Variants in UBE2E3 observed in about 807,000 individuals in gnomAD.
UBE2E3 encodes the protein ubiquitin conjugating enzyme E2 E3.
In UBE2E3, 5 loss-of-function variants were observed where a neutral mutation model predicts 23.6. The observed-to-expected ratio is 0.21, with a 90% CI of 0.11 to 0.44. UBE2E3 has a LOEUF of 0.44. UBE2E3 is among the 20% of genes least tolerant of loss of function. The pLI is 0.99. For missense variants in UBE2E3, 81 were observed against 249.8 expected (o/e 0.32, Z 4.55); for synonymous variants, 78 against 87.5 (o/e 0.89, Z 0.60).
intron 3 of UBE2E3, among the ~76,000 whole-genome samples, chr2:181,007,901 C>T (rs1470718963): frequency 6.6e-6 from 1 of 152,176 alleles, no homozygotes; most frequent in Non-Finnish European, 1.5e-5. Flanking sequence ...ATAGCCACAG[C>T]TAACATTTAA....
At chr2:181,010,574 A>G (rs1458089785) in intron 3 of UBE2E3, among the ~76,000 whole-genome samples, 2 of 152,180 alleles carry the variant, frequency 1.3e-5, no homozygotes, top group Non-Finnish European at 2.9e-5. Flanking sequence ...AAGAAAGATG[A>G]TCTGAGTTTC....
chr2:180,992,997 A>G (rs2105578627), intron 3 of UBE2E3, among the ~76,000 whole-genome samples: 1 of 152,328 alleles, frequency 6.6e-6, no homozygotes, highest in Non-Finnish European at 1.5e-5. Context: ...AATTGATGAC[A>G]TTAATGAGTT....
intron 3 of UBE2E3, among the ~76,000 whole-genome samples, chr2:181,055,437 C>T (rs1408194160): frequency 1.3e-5 from 2 of 151,620 alleles, no homozygotes; most frequent in Non-Finnish European, 3.0e-5. Flanking sequence ...CATGTCCCTT[C>T]CTGACCCCTT....
At chr2:180,986,099 A>G (rs1445230913) in intron 3 of UBE2E3, among the ~76,000 whole-genome samples, 1 of 152,162 alleles carries the variant, frequency 6.6e-6, no homozygotes. Flanking sequence ...GTGAAACATC[A>G]AAACTTTGGG....
chr2:181,036,415 A>G (rs559562531), intron 3 of UBE2E3, among the ~76,000 whole-genome samples: 1 of 152,244 alleles, frequency 6.6e-6, no homozygotes, highest in Non-Finnish European at 1.5e-5. Flanking sequence ...TGTACTTACA[A>G]CGTTCATGAG....
intron 3 of UBE2E3, among the ~76,000 whole-genome samples, chr2:181,007,745 C>G (rs571968279): frequency 8.4e-4 from 128 of 152,270 alleles, no homozygotes; most frequent in Non-Finnish European, 1.3e-3. Flanking sequence ...AGGTTTCTGT[C>G]TACACTAGTG....
At chr2:180,988,793 A>G (rs1352114585) in intron 3 of UBE2E3, among the ~76,000 whole-genome samples, 1 of 152,238 alleles carries the variant, frequency 6.6e-6, no homozygotes, top group South Asian at 2.1e-4. Context: ...TCTCTCACAC[A>G]TGTAGATAGA....
At chr2:180,997,549 C>T (rs1191689150) in intron 3 of UBE2E3, among the ~76,000 whole-genome samples, 2 of 152,116 alleles carry the variant, frequency 1.3e-5, no homozygotes, top group Non-Finnish European at 2.9e-5. Context: ...CCCTTCTCAT[C>T]TCCCCTAGGC....
chr2:181,018,331 G>A (rs11885073), intron 3 of UBE2E3, among the ~76,000 whole-genome samples: 1 of 151,572 alleles, frequency 6.6e-6, no homozygotes, highest in African/African-American at 2.4e-5. Context: ...AAGCACCTGT[G>A]TTTACACATG....
chr2:180,995,440 A>G (rs149003710), intron 3 of UBE2E3, among the ~76,000 whole-genome samples: 1 of 152,322 alleles, frequency 6.6e-6, no homozygotes, highest in East Asian at 1.9e-4. Flanking sequence ...TACAGTATGT[A>G]ATACATGTAA....
chr2:181,060,259 G>GT (rs201672821), intron 4 of UBE2E3, among the ~76,000 whole-genome samples: 29 of 151,148 alleles, frequency 1.9e-4, no homozygotes, highest in African/African-American at 6.8e-4. Context: ...TAACTTTTAT[G>GT]TTTTAAAAAA....
chr2:180,992,649 C>T, intron 3 of UBE2E3, among the ~76,000 whole-genome samples: 1 of 152,090 alleles, frequency 6.6e-6, no homozygotes, highest in East Asian at 1.9e-4. Context: ...GCGCACCCCA[C>T]CATGCCTGAC....
chr2:180,997,978 C>G (rs1389913065), intron 3 of UBE2E3, among the ~76,000 whole-genome samples: 1 of 152,082 alleles, frequency 6.6e-6, no homozygotes, highest in Admixed American at 6.6e-5. Context: ...GAACCGGGCA[C>G]TAGGACTGGG....
chr2:181,034,045 G>A (rs1372646108), intron 3 of UBE2E3, among the ~76,000 whole-genome samples: 1 of 152,314 alleles, frequency 6.6e-6, no homozygotes. Context: ...TGGAGAGGAC[G>A]TGGAGAAATA....
chr2:180,998,206 G>T (rs1000336214), intron 3 of UBE2E3, among the ~76,000 whole-genome samples: 1 of 152,006 alleles, frequency 6.6e-6, no homozygotes, highest in African/African-American at 2.4e-5. Flanking sequence ...AGAAATACTC[G>T]AGTTTGTATG....
At position 181,057,571 on chromosome 2, in the gene UBE2E3, A is replaced by C. The variant is rs1452181229; in HGVS notation, c.246-122A>C. ...AAACACATTGGGGCTTATTTCTTTT[A>C]TACTTATTTTACTTCTTATTGCTCT... On this transcript the variant is annotated intron_variant, in intron 3 of 5. Transcript: ENST00000410062. 6 of 764,734 alleles carry C rather than the reference A, an allele frequency of 7.8e-6. No individual in the cohort carries two copies. The East Asian group carries it at 1.3e-4, about 16-fold the overall frequency. 47.4% of individuals were successfully genotyped at this position (764,734 alleles called of 1,614,324 possible).
intron 3 of UBE2E3, among the ~76,000 whole-genome samples, chr2:181,012,610 T>C (rs1217244443): frequency 1.3e-5 from 2 of 152,232 alleles, no homozygotes; most frequent in Non-Finnish European, 2.9e-5. Context: ...CTTTGTTATC[T>C]ATGAAGCCGG....
At chr2:181,001,659 A>G (rs1684994575) in intron 3 of UBE2E3, among the ~76,000 whole-genome samples, 1 of 152,212 alleles carries the variant, frequency 6.6e-6, no homozygotes, top group African/African-American at 2.4e-5. Context: ...TCTTACATGT[A>G]AAGGCCATAG....
rs141699688 is a variant in UBE2E3, at chr2:181,024,179, A to C, written c.246-33514A>C. Among the ~76,000 whole-genome samples the C allele has an allele frequency of 2.0e-4, 30 of 152,218 alleles. No individual in the cohort carries two copies. The East Asian group carries it at 5.6e-3, about 28-fold the overall frequency. On this transcript the variant is annotated intron_variant, in intron 3 of 5. Transcript: ENST00000410062. ...ATTGAGTCCCCAAAGGATTTTTTAG[A>C]AAGTTCATTAATATCTTCATTTGTC...
Sources: allele counts gnomAD v4.1 joint callset (sites outside exome capture counted in the v4.1 genomes callset), GRCh38; gene constraint gnomAD v4.1.1; transcripts MANE v1.5; gene names NCBI Gene and HGNC (gene_info 2026-07-23, HGNC 2026-07-21).